Variants in SMYD3 observed in about 807,000 individuals in gnomAD.
The protein encoded by SMYD3 is histone-lysine N-methyltransferase SMYD3.
Under a neutral mutation model 57.7 loss-of-function variants are expected in SMYD3, and 36 were observed. That is an observed-to-expected ratio of 0.62 (90% CI 0.48 to 0.82). The LOEUF is 0.82. SMYD3 is among the 40% of genes least tolerant of loss of function. SMYD3 has a pLI of 0.00. For synonymous variants in SMYD3, 211 were observed against 195.0 expected (o/e 1.08, Z -0.68); for missense variants, 515 against 538.8 (o/e 0.96, Z 0.44).
chr1:246,206,047 A>G (rs559985659), intron 5 of SMYD3, among the ~76,000 whole-genome samples: 9 of 152,246 alleles, frequency 5.9e-5, no homozygotes, highest in Admixed American at 1.3e-4. Flanking sequence ...CTGATGCTGC[A>G]TGTGTGGCAA....
At chr1:246,026,397 G>A (rs7512792) in intron 5 of SMYD3, among the ~76,000 whole-genome samples, 13,354 of 152,094 alleles carry the variant, frequency 0.088, 1,730 homozygotes, top group African/African-American at 0.28. Flanking sequence ...ACCTCATTGC[G>A]TGTACTGAGC....
At chr1:246,352,746 A>G (rs1426427674) in intron 2 of SMYD3, among the ~76,000 whole-genome samples, 1 of 152,214 alleles carries the variant, frequency 6.6e-6, no homozygotes, top group African/African-American at 2.4e-5. Context: ...AACTCCTGCT[A>G]CTCATTCTAA....
At chr1:246,373,473 A>G (rs1430874761) in intron 1 of SMYD3, among the ~76,000 whole-genome samples, 1 of 152,198 alleles carries the variant, frequency 6.6e-6, no homozygotes, top group African/African-American at 2.4e-5. Flanking sequence ...GGCATTAGCT[A>G]CAAAGGATGT....
At chr1:245,822,751 T>G (rs1459712165) in intron 10 of SMYD3, among the ~76,000 whole-genome samples, 5 of 152,144 alleles carry the variant, frequency 3.3e-5, no homozygotes, top group African/African-American at 1.2e-4. Context: ...TGGGGCCCTT[T>G]CACTGGGCCC....
chr1:246,009,323 T>C (rs988767034), intron 5 of SMYD3, among the ~76,000 whole-genome samples: 4 of 152,198 alleles, frequency 2.6e-5, no homozygotes, highest in African/African-American at 9.7e-5. Context: ...TGATGCAAAA[T>C]AGCCTGAAGC....
intron 5 of SMYD3, among the ~76,000 whole-genome samples, chr1:245,993,530 T>G (rs2058850139): frequency 6.7e-6 from 1 of 150,232 alleles, no homozygotes; most frequent in Non-Finnish European, 1.5e-5. Context: ...AGCCCACGAG[T>G]TCAAGACCAG....
At chr1:245,850,797 G>A (rs895103950) in intron 10 of SMYD3, among the ~76,000 whole-genome samples, 1 of 152,170 alleles carries the variant, frequency 6.6e-6, no homozygotes, top group Non-Finnish European at 1.5e-5. Flanking sequence ...GTGTCCCCTG[G>A]ACTGCTGGCT....
chr1:246,172,681 G>C (rs1273753634), intron 5 of SMYD3, among the ~76,000 whole-genome samples: 49 of 130,294 alleles, frequency 3.8e-4, no homozygotes, highest in African/African-American at 1.4e-3. Flanking sequence ...TACACACTTA[G>C]GCTACACAGG....
chr1:245,985,015 C>T (rs1054908230), intron 5 of SMYD3, among the ~76,000 whole-genome samples: 2 of 152,054 alleles, frequency 1.3e-5, no homozygotes, highest in African/African-American at 2.4e-5. Flanking sequence ...CTTCTTAAGT[C>T]CCTGTTTGAC....
chr1:246,069,545 T>C (rs942125941), intron 5 of SMYD3, among the ~76,000 whole-genome samples: 3 of 152,238 alleles, frequency 2.0e-5, no homozygotes, highest in Non-Finnish European at 4.4e-5. Flanking sequence ...AATGCATGTA[T>C]GATTGTTTGT....
intron 8 of SMYD3, among the ~76,000 whole-genome samples, chr1:245,895,814 A>G (rs1446875505): frequency 6.6e-6 from 1 of 152,192 alleles, no homozygotes; most frequent in African/African-American, 2.4e-5. Flanking sequence ...GGGCTTCTTC[A>G]GGGCTGTGTA....
intron 5 of SMYD3, among the ~76,000 whole-genome samples, chr1:245,991,344 G>A (rs1033928695): frequency 6.6e-6 from 1 of 152,156 alleles, no homozygotes; most frequent in Non-Finnish European, 1.5e-5. Context: ...AAGTTATGTC[G>A]TTATAGACAG....
At chr1:246,195,810 C>T (rs753678201) in intron 5 of SMYD3, among the ~76,000 whole-genome samples, 6 of 152,112 alleles carry the variant, frequency 3.9e-5, no homozygotes, top group Admixed American at 1.3e-4. Context: ...ATAGCTCAAC[C>T]GGAGGTTAGG....
chr1:246,329,825 A>G (rs1357383783), intron 4 of SMYD3, among the ~76,000 whole-genome samples: 2 of 152,200 alleles, frequency 1.3e-5, no homozygotes, highest in African/African-American at 2.4e-5. Flanking sequence ...GTCTCCATCC[A>G]GAAGTATTAA....
At chr1:245,934,522 C>T (rs942436032) in intron 5 of SMYD3, among the ~76,000 whole-genome samples, 1 of 152,100 alleles carries the variant, frequency 6.6e-6, no homozygotes, top group African/African-American at 2.4e-5. Flanking sequence ...AAATATTTAT[C>T]CATCCTTCAG....
At chr1:246,121,160 A>G (rs1409475560) in intron 5 of SMYD3, among the ~76,000 whole-genome samples, 5 of 152,182 alleles carry the variant, frequency 3.3e-5, no homozygotes, top group Non-Finnish European at 5.9e-5. Context: ...ATATTTTGTG[A>G]TATAAAGACA....
chr1:246,194,982 C>T (rs895439613), intron 5 of SMYD3, among the ~76,000 whole-genome samples: 2 of 152,176 alleles, frequency 1.3e-5, no homozygotes, highest in African/African-American at 4.8e-5. Flanking sequence ...AGGTTTTCAC[C>T]ACTGCCAGTT....
At chr1:246,220,671 G>T (rs757709013) in intron 5 of SMYD3, among the ~76,000 whole-genome samples, 71 of 152,334 alleles carry the variant, frequency 4.7e-4, no homozygotes, top group Non-Finnish European at 8.8e-4. Flanking sequence ...CTGGTCACCA[G>T]TGAGGCCCCA....
intron 5 of SMYD3, among the ~76,000 whole-genome samples, chr1:246,279,643 T>C (rs921499508): frequency 2.6e-5 from 4 of 152,214 alleles, no homozygotes; most frequent in African/African-American, 9.6e-5. Context: ...CTCTATAACA[T>C]ATTTAGCAGG....
Sources: gnomAD v4.1 joint callset for allele counts (sites outside exome capture counted in the v4.1 genomes callset) on GRCh38, gnomAD v4.1.1 for gene constraint, MANE v1.5 for transcripts, NCBI Gene and HGNC (gene_info 2026-07-23, HGNC 2026-07-21) for gene names.